Variants in MROH1 observed in about 807,000 individuals in gnomAD.
MROH1 encodes maestro heat-like repeat-containing protein family member 1.
In MROH1, 117 loss-of-function variants were observed where a neutral mutation model predicts 116.5. The observed-to-expected ratio is 1.00, with a 90% CI of 0.86 to 1.17. The LOEUF (loss-of-function observed/expected upper bound fraction) is 1.17, where lower values mean the gene tolerates loss of function less well. MROH1 is among the 50% of genes most tolerant of loss of function. The pLI, the probability that MROH1 is intolerant of heterozygous loss-of-function variation, is 0.00. For missense variants in MROH1, 1,873 were observed against 1,338.5 expected, an observed-to-expected ratio of 1.40 and a Z score of -6.23; for synonymous variants, 921 against 583.9, an observed-to-expected ratio of 1.58 and a Z score of -8.32.
chr8:144,206,239 C>T (rs1482459703), intron 12 of MROH1, among the ~76,000 whole-genome samples: 4 of 152,136 alleles, frequency 2.6e-5, no homozygotes, highest in African/African-American at 9.7e-5. Context: ...ATAATTAATT[C>T]TGCCTGCTGT....
Position 144,241,094 on chromosome 8 carries a change from G to A in MROH1, c.2038G>A (p.Glu680Lys), listed in dbSNP as rs1310256319. The part of the protein sequence containing the change: ...QELLETARYQ[E>K]EAEREGLACC... ...GCTGCTGGAGACGGCCAGATACCAGGAGGAGGCAGAACGCGAGGTGGGGCC... is the reference window on the plus strand; with the variant it reads ...GCTGCTGGAGACGGCCAGATACCAGAAGGAGGCAGAACGCGAGGTGGGGCC... Residue 680 changes from glutamate to lysine, a missense_variant, in exon 21 of 44, where the codon GAG becomes AAG. Transcript: ENST00000326134. 3 of 771,436 alleles carry A rather than the reference G, an allele frequency of 3.9e-6. No individual in the cohort carries two copies. The highest frequency in any genetic ancestry group is 7.2e-6 in the Non-Finnish European group (3 of 414,194). The allele number at this position is 771,436 out of a possible 1,614,324, so 47.8% of individuals were successfully genotyped here. A position where few individuals can be genotyped will look rare whatever the true frequency, so the allele number is the denominator to read the frequency against.
chr8:144,244,103 A>G (rs1424699287), intron 26 of MROH1, 119 bp from the exon 27 acceptor site: 10 of 699,124 alleles, frequency 1.4e-5, no homozygotes, highest in Non-Finnish European at 2.6e-5. Flanking sequence ...GGGTGCCGCC[A>G]TGGTCTGGAG....
intron 14 of MROH1, among the ~76,000 whole-genome samples, chr8:144,235,380 A>G (rs924532983): frequency 1.3e-5 from 2 of 152,158 alleles, no homozygotes; most frequent in African/African-American, 4.8e-5. Flanking sequence ...TCCCAGCTAG[A>G]ACGTCCAATA....
At chr8:144,246,079 T>G (rs1265497962) in intron 29 of MROH1, among the ~76,000 whole-genome samples, 5 of 126,230 alleles carry the variant, frequency 4.0e-5, no homozygotes, top group African/African-American at 1.5e-4. Context: ...TTCCTTTCCT[T>G]CCTTTCCTTC....
intron 29 of MROH1, among the ~76,000 whole-genome samples, chr8:144,245,617 A>G (rs1197938413): frequency 6.6e-6 from 1 of 152,210 alleles, no homozygotes; most frequent in Non-Finnish European, 1.5e-5. Flanking sequence ...ATTTTGCTAA[A>G]TATCTTTTTA....
chr8:144,248,938 C>A lies in MROH1; in HGVS notation c.3182C>A (p.Ala1061Asp). The A allele has an allele frequency of 1.3e-6, 1 of 769,508 alleles. No individual in the cohort carries two copies. Among genetic ancestry groups the A allele is most frequent in the Non-Finnish European group, 2.4e-6 (1 of 412,640 alleles). The allele number at this position is 769,508 out of a possible 1,614,324, so 47.7% of individuals were successfully genotyped here. Residue 1061 changes from alanine to aspartate, a missense_variant, in exon 32 of 44, where the codon GCC (alanine) becomes GAC (aspartate). Physicochemically the swap from Ala to Asp is moderately radical, Grantham distance 126. Transcript: ENST00000326134. ...LISLLLTMFEALGDPEKNCSR... is the reference protein window; with the variant it reads ...LISLLLTMFEDLGDPEKNCSR... The stretch of plus-strand genomic sequence containing the variant: ...AGCCTCTTGCTAACCATGTTTGAGG[C>A]CCTGGGAGACCCCGAAAAGAACTGC...
rs1188134395 is a variant in MROH1 at position 144,242,384 on chromosome 8, G to T, written c.2194G>T (p.Glu732Ter). ...GGCCTCTCAGGATCGAAGTGAGAAC[G>T]AAGTGGAGAAGGTGAAGAGTGCTCT... is the stretch of plus-strand genomic sequence containing the variant. ...LNIFKDRSEN[E>*]VEKVKSALIL... The change falls in exon 23 of 44, where the codon GAA becomes TAA. Residue 732 changes from glutamate to a stop codon, truncating the protein, a stop_gained. Coordinates refer to ENST00000326134, the MANE Select transcript of MROH1 (RefSeq NM_032450.3). LOFTEE classifies it high-confidence loss of function. 3 of 780,606 alleles carry T rather than the reference G, an allele frequency of 3.8e-6. No individual in the cohort carries two copies. The highest frequency in any genetic ancestry group is 1.7e-5 in the Admixed American group (1 of 59,022). 48.4% of individuals were successfully genotyped at this position (780,606 alleles called of 1,614,324 possible).
intron 4 of MROH1, among the ~76,000 whole-genome samples, chr8:144,178,989 G>T (rs1824831732): frequency 6.6e-6 from 1 of 152,106 alleles, no homozygotes; most frequent in African/African-American, 2.4e-5. Context: ...GTGGCAGAAG[G>T]TGGTGTGGTG....
At chr8:144,217,751 G>T (rs1269884754) in intron 12 of MROH1, among the ~76,000 whole-genome samples, 1 of 152,228 alleles carries the variant, frequency 6.6e-6, no homozygotes, top group African/African-American at 2.4e-5. Context: ...TGACAAGTGT[G>T]CGTGACCACA....
At chr8:144,255,169 C>T (rs1413309107) in intron 34 of MROH1, among the ~76,000 whole-genome samples, 191 bp downstream of exon 34, 4 of 151,684 alleles carry the variant, frequency 2.6e-5, no homozygotes, top group African/African-American at 9.7e-5. Context: ...GAGGCCACTT[C>T]ATGTTTTATC....
intron 29 of MROH1, among the ~76,000 whole-genome samples, chr8:144,246,507 C>G (rs1417568992): frequency 6.6e-6 from 1 of 152,160 alleles, no homozygotes; most frequent in African/African-American, 2.4e-5. Flanking sequence ...GCCTGTTCAT[C>G]ACATAACCCT....
intron 35 of MROH1, 108 bp from the exon 36 acceptor site, chr8:144,258,669 G>T: frequency 2.9e-6 from 2 of 694,888 alleles, no homozygotes; most frequent in East Asian, 2.7e-5. Context: ...CAGGGATAGG[G>T]CTAGCCACCA....
At chr8:144,162,489 A>G (rs1230411874) in intron 2 of MROH1, among the ~76,000 whole-genome samples, 15 of 146,006 alleles carry the variant, frequency 1.0e-4, no homozygotes, top group African/African-American at 3.3e-4. Context: ...TCCGCCTACC[A>G]GGTTCAAGCA....
At chr8:144,214,001 C>T (rs1834741150) in intron 12 of MROH1, 3 of 151,952 alleles carry the variant, frequency 2.0e-5, no homozygotes, top group Admixed American at 2.0e-4. Flanking sequence ...TTCTTTAAAA[C>T]ACAGTAATTT....
At chr8:144,157,974 G>C (rs1818568863) in intron 1 of MROH1, among the ~76,000 whole-genome samples, 1 of 147,894 alleles carries the variant, frequency 6.8e-6, no homozygotes. Context: ...ACTGCGCCTG[G>C]CCATCTATTT....
chr8:144,179,386 G>A, intron 4 of MROH1, 69 bp from the exon 5 acceptor site: 2 of 1,589,392 alleles, frequency 1.3e-6, no homozygotes, highest in South Asian at 2.2e-5. Context: ...TGTAGAGACA[G>A]TGACAGGCAC....
intron 3 of MROH1, among the ~76,000 whole-genome samples, chr8:144,164,421 A>G (rs1374475482): frequency 6.6e-6 from 1 of 151,714 alleles, no homozygotes; most frequent in African/African-American, 2.4e-5. Context: ...AAAAAAAAAA[A>G]AAAGACAGGG....
intron 12 of MROH1, among the ~76,000 whole-genome samples, chr8:144,209,027 T>TTGTGTGTGTGTGTGTGTGTGTG (rs71320812): frequency 2.1e-5 from 3 of 141,642 alleles, no homozygotes; most frequent in African/African-American, 8.2e-5. Context: ...CTCGGCCATT[T>TTGTGTGTGTGTGTGTGTGTGTG]TGTGTGTGTG....
intron 18 of MROH1, 142 bp from the exon 19 acceptor site, chr8:144,239,959 G>A (rs2132875386): frequency 1.4e-6 from 1 of 704,804 alleles, no homozygotes; most frequent in South Asian, 1.5e-5. Context: ...ACTCCCGCTG[G>A]GTGCTTCCTG....
Sources: allele counts gnomAD v4.1 joint callset (sites outside exome capture counted in the v4.1 genomes callset), GRCh38; gene constraint gnomAD v4.1.1; transcripts MANE v1.5; gene names NCBI Gene and HGNC (gene_info 2026-07-23, HGNC 2026-07-21).